Variants in NPHP4 observed in about 807,000 individuals in gnomAD.
NPHP4 encodes nephrocystin-4.
NPHP4 carries 151 observed loss-of-function variants against 155.8 expected under a neutral mutation model. The observed-to-expected ratio is 0.97, with a 90% CI of 0.85 to 1.11. NPHP4 has a LOEUF of 1.11. Among genes scored for constraint, NPHP4 ranks in the 50% least tolerant of loss-of-function variants. The pLI, the probability that NPHP4 is intolerant of heterozygous loss-of-function variation, is 0.00. For missense variants in NPHP4, 1,956 were observed against 1,925.7 expected (o/e 1.02, Z -0.29); for synonymous variants, 845 against 816.8 (o/e 1.03, Z -0.59).
At chr1:5,965,519 A>G (rs1216400549) in intron 5 of NPHP4, among the ~76,000 whole-genome samples, 2 of 152,202 alleles carry the variant, frequency 1.3e-5, no homozygotes, top group Non-Finnish European at 2.9e-5. Flanking sequence ...AATCTTCAGC[A>G]ACGAAATGAA....
At chr1:5,961,735 T>C in intron 6 of NPHP4, 59 bp downstream of exon 6, 1 of 1,537,644 alleles carries the variant, frequency 6.5e-7, no homozygotes, top group East Asian at 2.4e-5. Flanking sequence ...CTTCAAGGTT[T>C]CACTGTGAAC....
At chr1:5,959,147 G>C (rs1200502407) in intron 6 of NPHP4, among the ~76,000 whole-genome samples, 1 of 151,944 alleles carries the variant, frequency 6.6e-6, no homozygotes, top group African/African-American at 2.4e-5. Context: ...CCTCCCTCCG[G>C]ACACCATGGC....
intron 2 of NPHP4, among the ~76,000 whole-genome samples, chr1:5,982,487 C>T (rs1241287393): frequency 6.6e-6 from 1 of 152,234 alleles, no homozygotes; most frequent in East Asian, 1.9e-4. Context: ...AATCACCTAA[C>T]ACCATTTCTC....
Position 5,890,736 on chromosome 1 carries a change from T to C in NPHP4, c.2304+132A>G, listed in dbSNP as rs935830251. On this transcript the variant is annotated intron_variant, in intron 17 of 29. Transcript: ENST00000378156. The surrounding 1 kb of genome is among the most constrained non-coding windows in gnomAD (Gnocchi z 4.9). ...AGAATGCAGCACTATTTTTAACGAG[T>C]GAACAAAGAAGGTCAAACAAGTCCT... The C allele has an allele frequency of 1.0e-5, 7 of 673,640 alleles. No homozygotes were observed. Among genetic ancestry groups the C allele is most frequent in the Non-Finnish European group, 1.6e-5 (7 of 431,760 alleles). 41.7% of individuals were successfully genotyped at this position (673,640 alleles called of 1,614,324 possible). A position where few individuals can be genotyped will look rare whatever the true frequency, so the allele number is the denominator to read the frequency against.
rs1644012264 is a variant in NPHP4, at chr1:5,889,637, A to G, written c.2304+1231T>C. Among the ~76,000 whole-genome samples the G allele has an allele frequency of 6.6e-6, 1 of 152,160 alleles. No individual in the cohort carries two copies. Among genetic ancestry groups the G allele is most frequent in the Admixed American group, 6.5e-5 (1 of 15,282 alleles). On this transcript the variant is annotated intron_variant, in intron 17 of 29. Transcript: ENST00000378156. This position sits in a 1 kb window ranked among gnomAD's most constrained non-coding sequence, Gnocchi z 4.2. Reference sequence around the variant, plus strand: ...CCTGCCTCCTTTACGCCTCCCCACCATGCAGAGCCTGCTGGGGCTGAGGCC... The same window carrying G: ...CCTGCCTCCTTTACGCCTCCCCACCGTGCAGAGCCTGCTGGGGCTGAGGCC...
chr1:5,941,975 G>A (rs1245266313), intron 9 of NPHP4, among the ~76,000 whole-genome samples: 1 of 152,172 alleles, frequency 6.6e-6, no homozygotes. Flanking sequence ...ATCGGATGAG[G>A]AGCAGATACC....
At position 5,910,467 on chromosome 1, in the gene NPHP4, C is replaced by CCT. The variant is rs1645124356; in HGVS notation, c.1442-1256_1442-1255dup. On this transcript the variant is annotated intron_variant, in intron 11 of 29. Coordinates refer to ENST00000378156, the MANE Select transcript of NPHP4 (RefSeq NM_015102.5). This position sits in a 1 kb window ranked among gnomAD's most constrained non-coding sequence, Gnocchi z 5.4. Reference sequence around the variant, plus strand: ...TGGGCCCAGCAGCTCGCCTTCCCTCCCTCTCCTGTGGCCTCTGCTGCCATG... The same window carrying CCT: ...TGGGCCCAGCAGCTCGCCTTCCCTCCCTCTCTCCTGTGGCCTCTGCTGCCATG... Among the ~76,000 whole-genome samples the CCT allele has an allele frequency of 6.6e-6, 1 of 152,152 alleles. No homozygotes were observed. Among genetic ancestry groups the CCT allele is most frequent in the Admixed American group, 6.5e-5 (1 of 15,286 alleles).
chr1:5,867,073 A>G lies in NPHP4; in HGVS notation c.3515T>C (p.Val1172Ala), dbSNP rs1227964172. The change falls in exon 25 of 30, where the codon GTT becomes GCT. Residue 1172 changes from valine to alanine, a missense_variant. By Grantham distance (64) the Val-to-Ala change is moderately conservative. Coordinates refer to ENST00000378156, the MANE Select transcript of NPHP4 (RefSeq NM_015102.5). The surrounding 1 kb of genome is among the most constrained non-coding windows in gnomAD (Gnocchi z 4.1). ...GMLGEDPPVHVRCSDPNVICE... is the reference protein window; with the variant it reads ...GMLGEDPPVHARCSDPNVICE... ...GATGACGTTCGGGTCGCTGCAGCGA[A>G]CATGGACTGGGGGGTCCTCACCAAG... 1 of 1,613,234 alleles carries G rather than the reference A, an allele frequency of 6.2e-7. No homozygotes were observed. The highest frequency in any genetic ancestry group is 2.2e-5 in the East Asian group (1 of 44,856).
rs200938839 is a variant in NPHP4 at position 5,948,191 on chromosome 1, C to A, written c.871G>T (p.Val291Leu). ...EILERRLRVG[V>L]HNGLGFVQRP... ...TGCACGAAGCCCAGACCATTGTGCA[C>A]GCCCACACGCAGGCGCCGCTCCAGG... is the stretch of plus-strand genomic sequence containing the variant. The change falls in exon 8 of 30, where the codon GTG (valine) becomes TTG (leucine). Residue 291 changes from valine to leucine, a missense_variant. Coordinates refer to ENST00000378156, the MANE Select transcript of NPHP4 (RefSeq NM_015102.5). The A allele has an allele frequency of 6.2e-7, 1 of 1,610,416 alleles. No homozygotes were observed. Among genetic ancestry groups the A allele is most frequent in the Non-Finnish European group, 8.5e-7 (1 of 1,178,966 alleles).
chr1:5,867,661 A>T lies in NPHP4; in HGVS notation c.3472+79T>A. 1 of 1,457,252 alleles carries T rather than the reference A, an allele frequency of 6.9e-7. No individual in the cohort carries two copies. The highest frequency in any genetic ancestry group is 9.4e-7 in the Non-Finnish European group (1 of 1,061,462). 90.3% of individuals were successfully genotyped at this position (1,457,252 alleles called of 1,614,324 possible). A position where few individuals can be genotyped will look rare whatever the true frequency, so the allele number is the denominator to read the frequency against. On this transcript the variant is annotated intron_variant, in intron 24 of 29. Transcript: ENST00000378156. This position sits in a 1 kb window ranked among gnomAD's most constrained non-coding sequence, Gnocchi z 4.1. The stretch of plus-strand genomic sequence containing the variant: ...CACCAGGGCATGAAGCCATGAGGCC[A>T]TCTGTCACCCTCAAGAGGTATCTAC...
At chr1:5,895,197 G>T (rs987881798) in intron 16 of NPHP4, among the ~76,000 whole-genome samples, 2 of 152,244 alleles carry the variant, frequency 1.3e-5, no homozygotes, top group African/African-American at 4.8e-5. Context: ...TGGGGGAAGG[G>T]GGGAGGGATA....
chr1:5,866,829 T>A lies in NPHP4; in HGVS notation c.3558+201A>T, dbSNP rs184859771. The stretch of plus-strand genomic sequence containing the variant: ...ATTTAAATTCAGATGATCAAGGAGC[T>A]GATCTGCTAGTAGAAAAAATAAAAA... On this transcript the variant is annotated intron_variant, in intron 25 of 29. Coordinates refer to ENST00000378156, the MANE Select transcript of NPHP4 (RefSeq NM_015102.5). 4.5e-4 allele frequency among the ~76,000 whole-genome samples: 68 copies of A among 152,358 alleles called. No homozygotes were observed. The East Asian group carries it at 9.8e-3, about 22-fold the overall frequency.
intron 9 of NPHP4, among the ~76,000 whole-genome samples, chr1:5,945,192 T>C (rs912903162): frequency 2.6e-5 from 4 of 152,172 alleles, no homozygotes; most frequent in African/African-American, 9.7e-5. Context: ...GCGCCAGCCC[T>C]CCTGCTCCTC....
At chr1:5,977,352 C>T (rs754088290) in intron 3 of NPHP4, among the ~76,000 whole-genome samples, 4 of 152,118 alleles carry the variant, frequency 2.6e-5, no homozygotes, top group Non-Finnish European at 5.9e-5. Flanking sequence ...AGCCTCGTCC[C>T]TGCTTGTCAC....
At chr1:5,877,352 G>A in intron 19 of NPHP4, 54 bp from the exon 20 acceptor site, 1 of 1,477,298 alleles carries the variant, frequency 6.8e-7, no homozygotes, top group Non-Finnish European at 9.2e-7. Context: ...TGCCTTCCAG[G>A]AGCAGACACC....
At chr1:5,955,574 T>G (rs967183140) in intron 6 of NPHP4, among the ~76,000 whole-genome samples, 5 of 152,270 alleles carry the variant, frequency 3.3e-5, no homozygotes, top group African/African-American at 1.2e-4. Context: ...AATGAAGTCC[T>G]GTCGCTTGCG....
At chr1:5,894,356 A>G (rs1644288875) in intron 16 of NPHP4, among the ~76,000 whole-genome samples, 1 of 152,144 alleles carries the variant, frequency 6.6e-6, no homozygotes, top group Non-Finnish European at 1.5e-5. Context: ...CATGAGACTG[A>G]GGCCCATCAC....
rs535027660 is a variant in NPHP4 at position 5,920,076 on chromosome 1, C to T, written c.1441+7573G>A. 1.4e-4 allele frequency among the ~76,000 whole-genome samples: 21 copies of T among 152,202 alleles called. No individual in the cohort carries two copies. In the South Asian group the frequency reaches 3.9e-3, roughly 29 times the overall value. ...CCTCCCGAGTAGCTGGGACTACAGG[C>T]GCGTGCCACCACGCCAGCTGATTTT... On this transcript the variant is annotated intron_variant, in intron 11 of 29. Transcript: ENST00000378156.
intron 1 of NPHP4, 146 bp from the exon 2 acceptor site, chr1:5,986,473 T>C (rs561481502): frequency 3.5e-5 from 22 of 629,286 alleles, no homozygotes; most frequent in African/African-American, 3.4e-4. Flanking sequence ...GAGTGGACTT[T>C]GTTGCTGGCT....
Sources: gnomAD v4.1 joint callset for allele counts (sites outside exome capture counted in the v4.1 genomes callset) on GRCh38, gnomAD v4.1.1 for gene constraint, Gnocchi (gnomAD v3.1) non-coding constraint, MANE v1.5 for transcripts, NCBI Gene and HGNC (gene_info 2026-07-23, HGNC 2026-07-21) for gene names.